The following ROR1 variants were observed in gnomAD, a reference collection of about 807,000 sequenced individuals.
ROR1 encodes ROR family WNT receptor 1.
In ROR1, 19 loss-of-function variants were observed where a neutral mutation model predicts 78.8. That is an observed-to-expected ratio of 0.24 (90% CI 0.17 to 0.35). ROR1 has a LOEUF of 0.35. Among genes scored for constraint, ROR1 ranks in the 10% least tolerant of loss-of-function variants. The pLI, the probability that ROR1 is intolerant of heterozygous loss-of-function variation, is 1.00. For missense variants in ROR1, 917 were observed against 1,177.8 expected (o/e 0.78, Z 3.24); for synonymous variants, 386 against 433.6 (o/e 0.89, Z 1.36).
At chr1:63,825,755 C>T (rs1010335623) in intron 1 of ROR1, among the ~76,000 whole-genome samples, 2 of 152,046 alleles carry the variant, frequency 1.3e-5, no homozygotes, top group Non-Finnish European at 2.9e-5. Flanking sequence ...TGTTTTATTT[C>T]TTTATCCTGG....
At chr1:63,878,716 C>A (rs1645304514) in intron 1 of ROR1, among the ~76,000 whole-genome samples, 1 of 152,112 alleles carries the variant, frequency 6.6e-6, no homozygotes, top group Non-Finnish European at 1.5e-5. Context: ...CCTGTCTGCT[C>A]CATCTGCTGC....
intron 1 of ROR1, among the ~76,000 whole-genome samples, chr1:63,839,716 T>A (rs1645038419): frequency 6.6e-6 from 1 of 152,182 alleles, no homozygotes. Context: ...AATGTAATCA[T>A]CTTGTCTATG....
intron 1 of ROR1, among the ~76,000 whole-genome samples, chr1:63,836,685 A>G (rs1483536477): frequency 1.3e-5 from 2 of 152,170 alleles, no homozygotes; most frequent in Non-Finnish European, 2.9e-5. Flanking sequence ...TAAAATCACC[A>G]ATGCCTTATT....
rs965261431 is a variant in ROR1, at chr1:64,147,006, C to T, written c.1174+4356C>T. Among the ~76,000 whole-genome samples the T allele has an allele frequency of 2.6e-5, 4 of 152,180 alleles. No individual in the cohort carries two copies. In the East Asian group the frequency reaches 7.7e-4, roughly 29 times the overall value. On this transcript the variant is annotated intron_variant, in intron 7 of 8. Transcript: ENST00000371079. ...TAGAGCTCTGACCAAACTCAAAGCT[C>T]ATGTTCTTTTACCAGACACTCTGCT...
chr1:63,824,160 C>A (rs1038139679), intron 1 of ROR1, among the ~76,000 whole-genome samples: 1 of 152,108 alleles, frequency 6.6e-6, no homozygotes, highest in African/African-American at 2.4e-5. Flanking sequence ...TGGAACTGAT[C>A]TTGTCTTTTC....
chr1:63,990,994 C>T (rs1423648444), intron 1 of ROR1, among the ~76,000 whole-genome samples: 2 of 152,226 alleles, frequency 1.3e-5, no homozygotes, highest in Non-Finnish European at 2.9e-5. Context: ...TAACAGCTCA[C>T]TATAACCTTG....
At chr1:63,785,156 A>G (rs1354907091) in intron 1 of ROR1, among the ~76,000 whole-genome samples, 3 of 152,206 alleles carry the variant, frequency 2.0e-5, no homozygotes, top group Non-Finnish European at 4.4e-5. Context: ...CATGAAAGCA[A>G]CTTATTCTAC....
At chr1:63,851,783 T>C (rs1269239271) in intron 1 of ROR1, among the ~76,000 whole-genome samples, 1 of 152,234 alleles carries the variant, frequency 6.6e-6, no homozygotes, top group Non-Finnish European at 1.5e-5. Flanking sequence ...CACCTGTATA[T>C]GAAAAATGAT....
At chr1:64,085,114 A>T (rs954646778) in intron 4 of ROR1, among the ~76,000 whole-genome samples, 6 of 152,220 alleles carry the variant, frequency 3.9e-5, no homozygotes, top group Non-Finnish European at 1.5e-5. Flanking sequence ...CAAACCTCAT[A>T]AAAATTAAGG....
Position 63,852,262 on chromosome 1 carries a change from A to G in ROR1, c.91+77754A>G, listed in dbSNP as rs1569818181. 2.0e-5 allele frequency among the ~76,000 whole-genome samples: 3 copies of G among 152,256 alleles called. 1 individual carries two copies. The South Asian group carries it at 6.2e-4, about 32-fold the overall frequency. ...CCTGGACTCAGCCACCATCTGTTTC[A>G]CTCTGCCGGGGCATACATGTATGTG... On this transcript the variant is annotated intron_variant, in intron 1 of 8. Coordinates refer to ENST00000371079, the MANE Select transcript of ROR1 (RefSeq NM_005012.4).
chr1:63,963,741 G>A (rs776714721), intron 1 of ROR1, among the ~76,000 whole-genome samples: 12 of 152,070 alleles, frequency 7.9e-5, no homozygotes, highest in Non-Finnish European at 1.3e-4. Context: ...GAAGATCCAA[G>A]TAGAAGTGTT....
Position 63,790,263 on chromosome 1 carries a change from T to C in ROR1, c.91+15755T>C, listed in dbSNP as rs751687655. On this transcript the variant is annotated intron_variant, in intron 1 of 8. Coordinates refer to ENST00000371079, the MANE Select transcript of ROR1 (RefSeq NM_005012.4). ...GGGCCAGTTGAATGGATTCTGCTTT[T>C]ACTTTTACTAAGCATTGTTCTTCCT... is the stretch of plus-strand genomic sequence containing the variant. Among the ~76,000 whole-genome samples the C allele has an allele frequency of 4.6e-5, 7 of 152,344 alleles. No homozygotes were observed. The South Asian group carries it at 1.2e-3, about 27-fold the overall frequency.
intron 1 of ROR1, among the ~76,000 whole-genome samples, chr1:63,785,239 C>G (rs1461089889): frequency 6.6e-6 from 1 of 152,172 alleles, no homozygotes; most frequent in Non-Finnish European, 1.5e-5. Context: ...AAAGTTTTTA[C>G]ATAATTTTCA....
intron 8 of ROR1, among the ~76,000 whole-genome samples, chr1:64,176,169 C>T (rs1291580707): frequency 1.3e-5 from 2 of 152,138 alleles, no homozygotes; most frequent in African/African-American, 4.8e-5. Context: ...AATGCCTTCA[C>T]CTGTCTGTCT....
At chr1:63,893,653 G>C (rs17125758) in intron 1 of ROR1, among the ~76,000 whole-genome samples, 9,370 of 152,048 alleles carry the variant, frequency 0.062, 959 homozygotes, top group African/African-American at 0.22. Context: ...ACATTTACAG[G>C]CTTCCGTGTT....
intron 4 of ROR1, among the ~76,000 whole-genome samples, chr1:64,118,157 T>G (rs1320546578): frequency 1.3e-5 from 2 of 152,218 alleles, no homozygotes; most frequent in African/African-American, 4.8e-5. Context: ...GAGCTGTGAT[T>G]GTGCCACAGC....
intron 1 of ROR1, among the ~76,000 whole-genome samples, chr1:63,857,942 AG>A (rs759839344): frequency 1.3e-5 from 2 of 152,194 alleles, no homozygotes; most frequent in Non-Finnish European, 2.9e-5. Flanking sequence ...GGATATAAGT[AG>A]GATAAGATGT....
chr1:63,963,649 C>G (rs900021679), intron 1 of ROR1, among the ~76,000 whole-genome samples: 1 of 151,838 alleles, frequency 6.6e-6, no homozygotes, highest in Non-Finnish European at 1.5e-5. Flanking sequence ...TAGATGAGTA[C>G]TTTGCTTTCC....
chr1:64,173,638 C>T (rs1006997503), intron 8 of ROR1, among the ~76,000 whole-genome samples: 3 of 152,206 alleles, frequency 2.0e-5, no homozygotes, highest in Non-Finnish European at 4.4e-5. Flanking sequence ...CCCCTTTCTC[C>T]ATCTGTAAAA....
Sources: allele counts gnomAD v4.1 joint callset (sites outside exome capture counted in the v4.1 genomes callset), GRCh38; gene constraint gnomAD v4.1.1; transcripts MANE v1.5; gene names NCBI Gene and HGNC (gene_info 2026-07-23, HGNC 2026-07-21).